The following POU6F2 variants were observed in gnomAD, a reference collection of about 807,000 sequenced individuals.
POU6F2 encodes the protein POU class 6 homeobox 2, also known as POU domain, class 6, transcription factor 2.
A neutral mutation model predicts 71.3 loss-of-function variants in POU6F2; 31 were observed. The observed-to-expected ratio is 0.43, with a 90% CI of 0.33 to 0.59. The LOEUF (loss-of-function observed/expected upper bound fraction) is 0.59. Ranked by LOEUF, POU6F2 falls within the 20% of genes least tolerant of loss-of-function variation. The probability of loss-of-function intolerance (pLI) is 0.04; values close to 1 mark genes in which losing one functional copy is unlikely to be tolerated. For synonymous variants in POU6F2, 347 were observed against 355.7 expected (o/e 0.98, Z 0.27); for missense variants, 783 against 856.8 (o/e 0.91, Z 1.07).
intron 2 of POU6F2, among the ~76,000 whole-genome samples, chr7:39,136,549 A>AT (rs1562719392): frequency 6.6e-6 from 1 of 152,226 alleles, no homozygotes. Context: ...AAATAAGTTT[A>AT]GTACACATTT....
At chr7:39,370,053 A>G (rs1786578347) in intron 5 of POU6F2, among the ~76,000 whole-genome samples, 1 of 152,156 alleles carries the variant, frequency 6.6e-6, no homozygotes, top group Non-Finnish European at 1.5e-5. Flanking sequence ...TTTCATACTC[A>G]CTAGTAAACC....
intron 2 of POU6F2, among the ~76,000 whole-genome samples, chr7:39,158,923 G>A (rs980627120): frequency 1.3e-5 from 2 of 152,130 alleles, no homozygotes; most frequent in East Asian, 3.9e-4. Context: ...TGTAATCCCA[G>A]CACTTTGGGA....
intron 5 of POU6F2, among the ~76,000 whole-genome samples, chr7:39,375,680 C>T (rs1262044874): frequency 6.6e-6 from 1 of 151,906 alleles, no homozygotes; most frequent in Non-Finnish European, 1.5e-5. Context: ...AGTGTGGAAA[C>T]TCCTGGGAGG....
intron 1 of POU6F2, among the ~76,000 whole-genome samples, chr7:39,025,627 A>G (rs1021267068): frequency 6.6e-6 from 1 of 151,752 alleles, no homozygotes; most frequent in Non-Finnish European, 1.5e-5. Context: ...TAAATGTTAG[A>G]CCTAAAACCA....
chr7:39,344,678 G>T (rs1482877077), intron 5 of POU6F2, among the ~76,000 whole-genome samples: 1 of 151,948 alleles, frequency 6.6e-6, no homozygotes, highest in East Asian at 1.9e-4. Context: ...GTCTTAATCG[G>T]TTTACCACAA....
At chr7:39,162,295 T>C (rs2049496) in intron 2 of POU6F2, among the ~76,000 whole-genome samples, 62,804 of 152,056 alleles carry the variant, frequency 0.41, 13,448 homozygotes, top group East Asian at 0.75. Flanking sequence ...TTTTAATTTG[T>C]ATTTTAATTT....
intron 5 of POU6F2, 132 bp from the exon 6 acceptor site, chr7:39,406,468 C>A: frequency 9.7e-7 from 1 of 1,026,670 alleles, no homozygotes; most frequent in Non-Finnish European, 1.4e-6. Context: ...TCGCCACGCC[C>A]CTCCGGTGGG....
At chr7:39,021,105 T>C (rs1415739180) in intron 1 of POU6F2, among the ~76,000 whole-genome samples, 2 of 151,928 alleles carry the variant, frequency 1.3e-5, no homozygotes, top group Non-Finnish European at 2.9e-5. Flanking sequence ...GCTCTTGGTT[T>C]TATTTTTACC....
intron 1 of POU6F2, among the ~76,000 whole-genome samples, chr7:38,993,106 AT>A (rs1471176687): frequency 2.6e-5 from 4 of 151,814 alleles, no homozygotes; most frequent in Admixed American, 2.6e-4. Context: ...TTAATGGACT[AT>A]TTTTTATTTC....
chr7:39,249,077 C>T (rs747472163), intron 4 of POU6F2, among the ~76,000 whole-genome samples: 1 of 152,180 alleles, frequency 6.6e-6, no homozygotes, highest in East Asian at 1.9e-4. Flanking sequence ...CTCCATATTC[C>T]ACCCATCCAT....
rs189545906 is a variant in POU6F2 at position 39,386,475 on chromosome 7, C to T, written c.973-20125C>T. ...GAGTGCAGATGAGGTTAGAATTGTA[C>T]ATTTGGGGCAGTCACAGTGAGATGA... On this transcript the variant is annotated intron_variant, in intron 5 of 9. Transcript: ENST00000518318. 1.2e-4 allele frequency among the ~76,000 whole-genome samples: 18 copies of T among 152,240 alleles called. No homozygotes were observed. In the East Asian group the frequency reaches 3.1e-3, roughly 26 times the overall value.
chr7:39,448,178 C>G (rs2116102657), intron 7 of POU6F2, among the ~76,000 whole-genome samples: 1 of 152,248 alleles, frequency 6.6e-6, no homozygotes, highest in Non-Finnish European at 1.5e-5. Context: ...CTTCTGAAGT[C>G]CTGTTTTTCT....
intron 7 of POU6F2, among the ~76,000 whole-genome samples, chr7:39,449,032 A>G (rs2116106417): frequency 6.6e-6 from 1 of 152,342 alleles, no homozygotes; most frequent in East Asian, 1.9e-4. Context: ...CTTGATGCAT[A>G]TTAATTTGGG....
At chr7:39,210,847 A>G (rs1235981789) in intron 4 of POU6F2, among the ~76,000 whole-genome samples, 1 of 152,176 alleles carries the variant, frequency 6.6e-6, no homozygotes, top group South Asian at 2.1e-4. Flanking sequence ...GATTATTCAA[A>G]GTTCATTAGG....
chr7:39,068,716 G>A (rs1790812240), intron 1 of POU6F2, among the ~76,000 whole-genome samples: 1 of 152,138 alleles, frequency 6.6e-6, no homozygotes, highest in African/African-American at 2.4e-5. Flanking sequence ...CTCATGAAAA[G>A]TTTTCTTCTA....
At chr7:39,308,620 T>C (rs1785095120) in intron 4 of POU6F2, among the ~76,000 whole-genome samples, 1 of 152,170 alleles carries the variant, frequency 6.6e-6, no homozygotes, top group South Asian at 2.1e-4. Flanking sequence ...TCAAAAACAA[T>C]AGGATTTAGG....
intron 4 of POU6F2, among the ~76,000 whole-genome samples, chr7:39,220,319 C>T (rs1794323330): frequency 6.6e-6 from 1 of 152,186 alleles, no homozygotes; most frequent in African/African-American, 2.4e-5. Flanking sequence ...ATGGCAGTAG[C>T]ATACCAAGCT....
chr7:39,242,881 A>G (rs1783752623), intron 4 of POU6F2, among the ~76,000 whole-genome samples: 2 of 152,118 alleles, frequency 1.3e-5, no homozygotes, highest in African/African-American at 2.4e-5. Context: ...TCTCTCCTCT[A>G]CCCTTCATAT....
chr7:39,120,200 C>T (rs1444494227), intron 2 of POU6F2, among the ~76,000 whole-genome samples: 2 of 152,106 alleles, frequency 1.3e-5, no homozygotes, highest in Non-Finnish European at 2.9e-5. Flanking sequence ...GGTAGGGTCT[C>T]GCTATGCTGC....
Sources: allele counts gnomAD v4.1 joint callset (sites outside exome capture counted in the v4.1 genomes callset), GRCh38; gene constraint gnomAD v4.1.1; transcripts MANE v1.5; gene names NCBI Gene and HGNC (gene_info 2026-07-23, HGNC 2026-07-21).